PRKCB: variants seen among roughly 807,000 people sequenced by gnomAD.
PRKCB encodes the protein protein kinase C beta, also known as protein kinase C beta type.
PRKCB carries 13 observed loss-of-function variants against 81.5 expected under a neutral mutation model. The observed-to-expected ratio is 0.16, with a 90% CI of 0.10 to 0.25. The LOEUF is 0.25. Among genes scored for constraint, PRKCB ranks in the 10% least tolerant of loss-of-function variants. PRKCB has a pLI of 1.00. For missense variants in PRKCB, 509 were observed against 875.7 expected (o/e 0.58, Z 5.29); for synonymous variants, 335 against 321.4 (o/e 1.04, Z -0.45).
intron 3 of PRKCB, among the ~76,000 whole-genome samples, chr16:24,012,349 C>T (rs766397542): frequency 2.0e-5 from 3 of 152,208 alleles, no homozygotes; most frequent in Non-Finnish European, 4.4e-5. Flanking sequence ...AGTGAACTGA[C>T]TTGCCAGGTC....
chr16:24,114,229 G>A (rs1467457508), intron 8 of PRKCB, among the ~76,000 whole-genome samples: 6 of 141,532 alleles, frequency 4.2e-5, no homozygotes, highest in African/African-American at 1.6e-4. Context: ...GTGCGATCTC[G>A]GCTCACTGCA....
At chr16:24,096,032 T>C (rs1966434779) in intron 7 of PRKCB, among the ~76,000 whole-genome samples, 1 of 152,158 alleles carries the variant, frequency 6.6e-6, no homozygotes, top group African/African-American at 2.4e-5. Context: ...GCGCAGTGGC[T>C]CACCCCTGTA....
At chr16:24,155,304 C>G (rs1007868048) in intron 10 of PRKCB, among the ~76,000 whole-genome samples, 2 of 152,138 alleles carry the variant, frequency 1.3e-5, no homozygotes, top group Admixed American at 1.3e-4. Flanking sequence ...CCCTCGAGGA[C>G]TCTCAGGGAA....
rs943119743 is a variant in PRKCB at position 23,883,525 on chromosome 16, T to A, written c.205+46119T>A. Among the ~76,000 whole-genome samples, 8 of 152,296 alleles carry A rather than the reference T, an allele frequency of 5.3e-5. No individual in the cohort carries two copies. The East Asian group carries it at 1.3e-3, about 26-fold the overall frequency. On this transcript the variant is annotated intron_variant, in intron 2 of 16. Coordinates refer to ENST00000643927, the MANE Select transcript of PRKCB (RefSeq NM_002738.7). ...TAGGCGAGATGCAAAGGATCAGATT[T>A]GTATTTAACACACCTTCCATTGGCT...
intron 2 of PRKCB, among the ~76,000 whole-genome samples, chr16:23,922,174 A>G (rs1157774325): frequency 1.8e-4 from 28 of 152,254 alleles, no homozygotes; most frequent in Non-Finnish European, 1.0e-4. Flanking sequence ...TTGTAAATGT[A>G]AAAGAGTTGT....
In PRKCB at chr16:24,084,905, C is replaced by T. The variant is rs376619102; in HGVS notation, c.530-7886C>T. ...GTTGGAGATCATGGGTATATAGTGG[C>T]ATGAAGCCCCTATGTGTGACACTTT... On this transcript the variant is annotated intron_variant, in intron 5 of 16. Coordinates refer to ENST00000643927, the MANE Select transcript of PRKCB (RefSeq NM_002738.7). Among the ~76,000 whole-genome samples, 493 of 152,158 alleles carry T rather than the reference C, an allele frequency of 3.2e-3. 28 individuals carry two copies. In the South Asian group the frequency reaches 0.099, roughly 30 times the overall value.
chr16:24,103,322 C>T (rs1212130194), intron 7 of PRKCB, among the ~76,000 whole-genome samples: 1 of 151,776 alleles, frequency 6.6e-6, no homozygotes, highest in East Asian at 1.9e-4. Flanking sequence ...TTTTTTAACC[C>T]CTAGAATTAG....
chr16:24,217,137 AAAGG>A lies in PRKCB; in HGVS notation c.*2332_*2335del, dbSNP rs1968240542. 2 of 982,760 alleles carry A rather than the reference AAAGG, an allele frequency of 2.0e-6. No individual in the cohort carries two copies. The highest frequency in any genetic ancestry group is 2.4e-6 in the Non-Finnish European group (2 of 827,802). 60.9% of individuals were successfully genotyped at this position (982,760 alleles called of 1,614,324 possible). The stretch of plus-strand genomic sequence containing the variant: ...AAGAAAGAAGGAAAGAAAGAAAGAG[AAAGG>A]AAGGAAGGAAAGAAGGAAGGAAAAG... On this transcript the variant is annotated 3_prime_UTR_variant, in exon 17 of 17. Transcript: ENST00000643927.
intron 2 of PRKCB, chr16:23,892,878 G>A (rs565021154): frequency 6.6e-6 from 1 of 152,022 alleles, no homozygotes; most frequent in Admixed American, 6.5e-5. Flanking sequence ...CCTATCTCAG[G>A]TTCTGTCTCC....
At chr16:24,024,048 G>C (rs915415475) in intron 3 of PRKCB, among the ~76,000 whole-genome samples, 65 of 152,228 alleles carry the variant, frequency 4.3e-4, no homozygotes, top group African/African-American at 1.5e-3. Context: ...CAGGATGCCA[G>C]AACCCCAGGG....
intron 2 of PRKCB, among the ~76,000 whole-genome samples, chr16:23,855,668 A>G (rs1962552545): frequency 6.6e-6 from 1 of 152,220 alleles, no homozygotes; most frequent in East Asian, 1.9e-4. Flanking sequence ...CTTGGGAACA[A>G]CATCTATAAG....
intron 10 of PRKCB, among the ~76,000 whole-genome samples, chr16:24,158,962 G>T (rs192587269): frequency 1.9e-3 from 284 of 152,228 alleles, no homozygotes; most frequent in African/African-American, 6.6e-3. Flanking sequence ...CACCCAGCCT[G>T]AAGTCTTTTG....
In PRKCB at chr16:23,836,029, C is replaced by G; in HGVS notation, c.-147C>G. 1 of 408,058 alleles carries G rather than the reference C, an allele frequency of 2.5e-6. No homozygotes were observed. Among genetic ancestry groups the G allele is most frequent in the African/African-American group, 2.2e-5 (1 of 45,872 alleles). 25.3% of individuals were successfully genotyped at this position (408,058 alleles called of 1,614,324 possible). ...CGAGTGACAGCCCCGGCTCCGCGCG[C>G]CGCGGCCGCCAGAGCCGGCGCAGGG... On this transcript the variant is annotated 5_prime_UTR_variant, in exon 1 of 17. Coordinates refer to ENST00000643927, the MANE Select transcript of PRKCB (RefSeq NM_002738.7).
chr16:24,200,186 G>A (rs1409747802), intron 16 of PRKCB, among the ~76,000 whole-genome samples: 1 of 151,814 alleles, frequency 6.6e-6, no homozygotes, highest in Non-Finnish European at 1.5e-5. Context: ...ATTGAAATGA[G>A]GCAGCCGAGA....
chr16:24,137,178 T>C (rs995025393), intron 9 of PRKCB, among the ~76,000 whole-genome samples: 22 of 151,834 alleles, frequency 1.4e-4, no homozygotes, highest in Admixed American at 1.2e-3. Flanking sequence ...TGTGAGCCAC[T>C]GTGCCTGGCC....
intron 2 of PRKCB, among the ~76,000 whole-genome samples, chr16:23,957,972 G>A (rs539107678): frequency 3.9e-5 from 6 of 152,276 alleles, no homozygotes; most frequent in African/African-American, 1.4e-4. Context: ...TTATTATTAT[G>A]TGTTATTAAT....
intron 2 of PRKCB, among the ~76,000 whole-genome samples, chr16:23,847,986 A>G (rs893326851): frequency 6.6e-6 from 1 of 152,216 alleles, no homozygotes; most frequent in Admixed American, 6.5e-5. Flanking sequence ...ACAGTCTTAC[A>G]GCAGGAGTGG....
chr16:24,024,173 G>A (rs1305394703), intron 3 of PRKCB, among the ~76,000 whole-genome samples: 2 of 152,194 alleles, frequency 1.3e-5, no homozygotes, highest in Admixed American at 1.3e-4. Flanking sequence ...CAATGTGGAT[G>A]AACCTGGAGG....
intron 5 of PRKCB, among the ~76,000 whole-genome samples, chr16:24,075,742 A>G (rs536059298): frequency 1.7e-4 from 26 of 152,316 alleles, no homozygotes; most frequent in African/African-American, 6.3e-4. Context: ...AGCCTGATTA[A>G]TGCTGAATTG....
Sources: allele counts gnomAD v4.1 joint callset (sites outside exome capture counted in the v4.1 genomes callset), GRCh38; gene constraint gnomAD v4.1.1; transcripts MANE v1.5; gene names NCBI Gene and HGNC (gene_info 2026-07-23, HGNC 2026-07-21).